TAC1: variants seen among roughly 807,000 people sequenced by gnomAD.
The protein encoded by TAC1 is protachykinin-1.
Under a neutral mutation model 21.7 loss-of-function variants are expected in TAC1, and 12 were observed. The observed-to-expected ratio is 0.55, with a 90% CI of 0.35 to 0.89. The LOEUF (loss-of-function observed/expected upper bound fraction) is 0.89, where lower values mean the gene tolerates loss of function less well. Among genes scored for constraint, TAC1 ranks in the 40% least tolerant of loss-of-function variants. The pLI is 0.01. For missense variants in TAC1, 128 were observed against 151.4 expected, an observed-to-expected ratio of 0.85 and a Z score of 0.81; for synonymous variants, 52 against 52.0, an observed-to-expected ratio of 1.00 and a Z score of 0.00.
intron 5 of TAC1, among the ~76,000 whole-genome samples, chr7:97,735,505 A>G (rs901274349): frequency 4.6e-5 from 7 of 152,170 alleles, no homozygotes; most frequent in African/African-American, 1.4e-4. Context: ...CAAGAAGTGG[A>G]AAGGGTCTAT....
Position 97,739,029 on chromosome 7 carries a change from AT to A in TAC1, c.344-838del, listed in dbSNP as rs1015158843. ...ATATAATATAATATACAATTTTGGC[AT>A]TTTTTTGTCCAGATAATCAATGTAT... On this transcript the variant is annotated intron_variant, in intron 6 of 6. Coordinates refer to ENST00000319273, the MANE Select transcript of TAC1 (RefSeq NM_003182.3). Among the ~76,000 whole-genome samples the A allele has an allele frequency of 2.6e-4, 39 of 150,646 alleles. No homozygotes were observed. In the East Asian group the frequency reaches 4.5e-3, roughly 17 times the overall value.
rs1789454439 is a variant in TAC1, at chr7:97,732,341, C to A, written c.-10+146C>A. 4 of 284,050 alleles carry A rather than the reference C, an allele frequency of 1.4e-5. No homozygotes were observed. The highest frequency in any genetic ancestry group is 4.6e-5 in the Admixed American group (1 of 21,558). The allele number at this position is 284,050 out of a possible 1,614,324, so 17.6% of individuals were successfully genotyped here. On this transcript the variant is annotated intron_variant, in intron 1 of 6. Transcript: ENST00000319273. This position sits in a 1 kb window ranked among gnomAD's most constrained non-coding sequence, Gnocchi z 6.2. ...CGCCAACGCCCCTCTTTGTCTTCCA[C>A]CTGCAGAGTTTCCTGGTTTGAAGGT...
chr7:97,740,156 G>A lies in TAC1; in HGVS notation c.*236G>A, dbSNP rs577055182. 1.9e-5 allele frequency: 6 copies of A among 309,392 alleles called. No individual in the cohort carries two copies. The highest frequency in any genetic ancestry group is 1.1e-4 in the African/African-American group (5 of 46,410). 19.2% of individuals were successfully genotyped at this position (309,392 alleles called of 1,614,324 possible). On this transcript the variant is annotated 3_prime_UTR_variant, in exon 7 of 7. Coordinates refer to ENST00000319273, the MANE Select transcript of TAC1 (RefSeq NM_003182.3). ...AGTGGTTATTTCTCAACAAAGCACA[G>A]TGTTAAATGAAATTGTAAAACCTGT...
intron 5 of TAC1, 39 bp from the exon 6 acceptor site, chr7:97,736,260 G>T: frequency 6.5e-7 from 1 of 1,545,278 alleles, no homozygotes; most frequent in South Asian, 1.1e-5. Flanking sequence ...TTTCCTCAAA[G>T]ATATACATAT....
chr7:97,739,990 C>A lies in TAC1; in HGVS notation c.*70C>A, dbSNP rs1789668151. 3.9e-6 allele frequency: 4 copies of A among 1,029,298 alleles called. No individual in the cohort carries two copies. Among genetic ancestry groups the A allele is most frequent in the South Asian group, 1.6e-5 (1 of 62,346 alleles). The allele number at this position is 1,029,298 out of a possible 1,614,324, so 63.8% of individuals were successfully genotyped here. A position where few individuals can be genotyped will look rare whatever the true frequency, so the allele number is the denominator to read the frequency against. On this transcript the variant is annotated 3_prime_UTR_variant, in exon 7 of 7. Transcript: ENST00000319273. ...GCAATGACAGGTAAATTAAGACATGCACTATGAGGAATAATTATTTATTTA... is the reference window on the plus strand; with the variant it reads ...GCAATGACAGGTAAATTAAGACATGAACTATGAGGAATAATTATTTATTTA...
rs1789669105 is a variant in TAC1 at position 97,740,020 on chromosome 7, C to T, written c.*100C>T. On this transcript the variant is annotated 3_prime_UTR_variant, in exon 7 of 7. Transcript: ENST00000319273. ...TGAGGAATAATTATTTATTTAATAA[C>T]AATTGTTTGGGGTTGAAAATTCAAA... 1.2e-6 allele frequency: 1 copy of T among 862,260 alleles called. No individual in the cohort carries two copies. Among genetic ancestry groups the T allele is most frequent in the Non-Finnish European group, 1.7e-6 (1 of 586,536 alleles). 53.4% of individuals were successfully genotyped at this position (862,260 alleles called of 1,614,324 possible).
At chr7:97,738,926 A>G (rs1789636938) in intron 6 of TAC1, among the ~76,000 whole-genome samples, 1 of 151,532 alleles carries the variant, frequency 6.6e-6, no homozygotes, top group Non-Finnish European at 1.5e-5. Flanking sequence ...AAATATCCCA[A>G]AATACTTTTA....
chr7:97,735,312 A>G (rs1789555254), intron 5 of TAC1, among the ~76,000 whole-genome samples: 1 of 152,212 alleles, frequency 6.6e-6, no homozygotes, highest in East Asian at 1.9e-4. Context: ...AAATGGAATG[A>G]GTGAGTGAAC....
chr7:97,736,244 A>G, intron 5 of TAC1, 55 bp from the exon 6 acceptor site: 1 of 1,436,970 alleles, frequency 7.0e-7, no homozygotes, highest in Non-Finnish European at 9.7e-7. Flanking sequence ...TGGTTATAAT[A>G]GTTTGTTTCC....
chr7:97,736,352 G>C lies in TAC1; in HGVS notation c.343G>C (p.Val115Leu), dbSNP rs777204544. The change falls in exon 6 of 7, where the codon GTG (valine) becomes CTG (leucine). Residue 115 changes from valine (V) to leucine (L), a missense_variant and splice_region_variant. Val to Leu is a conservative substitution (Grantham distance 32). Transcript: ENST00000319273. ...GLMGKRALNSVAYERSAMQNY... is the reference protein window; with the variant it reads ...GLMGKRALNSLAYERSAMQNY... ...AATGGGCAAAAGAGCTTTAAATTCT[G>C]GTATGTATGAAATTATGACTGAAAA... 1 of 1,609,214 alleles carries C rather than the reference G, an allele frequency of 6.2e-7. No homozygotes were observed. Among genetic ancestry groups the C allele is most frequent in the South Asian group, 1.1e-5 (1 of 90,634 alleles).
chr7:97,734,433 TTCTCTCTCTCTCTGTCACTCTCTCTG>T (rs1562784384), intron 4 of TAC1, 141 bp downstream of exon 4: 7 of 692,314 alleles, frequency 1.0e-5, no homozygotes, highest in African/African-American at 3.6e-5. Flanking sequence ...CTCTCTCGGT[TTCTCTCTCTCTCTGTCACTCTCTCTG>T]TCTCTCTCTC....
At chr7:97,734,048 T>C (rs1282117409) in intron 3 of TAC1, 200 bp from the exon 4 acceptor site, 2 of 678,346 alleles carry the variant, frequency 2.9e-6, no homozygotes, top group Non-Finnish European at 5.0e-6. Context: ...AGCGCTCCCT[T>C]GACTAAAGAT....
intron 6 of TAC1, among the ~76,000 whole-genome samples, chr7:97,737,081 G>A (rs549498868): frequency 1.6e-4 from 25 of 151,904 alleles, no homozygotes; most frequent in Admixed American, 9.2e-4. Context: ...TAAATACCAC[G>A]TACATATATC....
Position 97,738,719 on chromosome 7 carries a change from T to G in TAC1, c.344-1155T>G, listed in dbSNP as rs55836994. Among the ~76,000 whole-genome samples the G allele has an allele frequency of 5.1e-4, 78 of 152,030 alleles. 1 individual carries two copies. The highest frequency in any genetic ancestry group is 1.5e-4 in the Non-Finnish European group (10 of 67,892). On this transcript the variant is annotated intron_variant, in intron 6 of 6. Coordinates refer to ENST00000319273, the MANE Select transcript of TAC1 (RefSeq NM_003182.3). ...AAGTGATAATACTGGTGCCTTTACCTGTCTTCTCTGTCAGCAAATCTTCTC... is the reference window on the plus strand; with the variant it reads ...AAGTGATAATACTGGTGCCTTTACCGGTCTTCTCTGTCAGCAAATCTTCTC...
chr7:97,732,678 A>G lies in TAC1; in HGVS notation c.66A>G (p.Ile22Met), dbSNP rs760734076. Residue 22 changes from isoleucine (I) to methionine (M), a missense_variant, in exon 2 of 7, where the codon ATA (isoleucine) becomes ATG (methionine). By Grantham distance (10) the Ile-to-Met change is conservative. Coordinates refer to ENST00000319273, the MANE Select transcript of TAC1 (RefSeq NM_003182.3). The surrounding 1 kb of genome is among the most constrained non-coding windows in gnomAD (Gnocchi z 6.2). ...LVSTQLFAEE[I>M]GANDDLNYWS... The stretch of plus-strand genomic sequence containing the variant: ...CCACTCAGCTGTTTGCAGAAGAAAT[A>G]GGAGCCAATGATGATCTGAATTACT... The G allele has an allele frequency of 6.2e-7, 1 of 1,614,142 alleles. No individual in the cohort carries two copies. The highest frequency in any genetic ancestry group is 1.1e-5 in the South Asian group (1 of 91,078).
intron 6 of TAC1, 33 bp from the exon 7 acceptor site, chr7:97,739,841 T>C: frequency 6.3e-7 from 1 of 1,581,210 alleles, no homozygotes; most frequent in Non-Finnish European, 8.6e-7. Flanking sequence ...GTGAATTCAC[T>C]TAAAAAACAC....
chr7:97,732,806 A>G lies in TAC1; in HGVS notation c.123+71A>G. On this transcript the variant is annotated intron_variant, in intron 2 of 6. Transcript: ENST00000319273. This position sits in a 1 kb window ranked among gnomAD's most constrained non-coding sequence, Gnocchi z 6.2. ...GGGAGCTGTCACCTTCCCACGCAAC[A>G]GCACCCTAGTTAACGTGGCACGCAC... 6.4e-7 allele frequency: 1 copy of G among 1,555,818 alleles called. No individual in the cohort carries two copies. Among genetic ancestry groups the G allele is most frequent in the Non-Finnish European group, 8.7e-7 (1 of 1,150,302 alleles).
At chr7:97,739,782 T>C (rs1789662028) in intron 6 of TAC1, 92 bp from the exon 7 acceptor site, 1 of 828,198 alleles carries the variant, frequency 1.2e-6, no homozygotes, top group Non-Finnish European at 1.9e-6. Flanking sequence ...CATTATGAGT[T>C]TAAAATAAAT....
At chr7:97,734,954 A>G in intron 5 of TAC1, 105 bp downstream of exon 5, 2 of 854,594 alleles carry the variant, frequency 2.3e-6, no homozygotes, top group East Asian at 2.7e-5. Flanking sequence ...CTAGGGCTTA[A>G]TATGTTTAAT....
Sources: gnomAD v4.1 joint callset for allele counts (sites outside exome capture counted in the v4.1 genomes callset) on GRCh38, gnomAD v4.1.1 for gene constraint, Gnocchi (gnomAD v3.1) non-coding constraint, MANE v1.5 for transcripts, NCBI Gene and HGNC (gene_info 2026-07-23, HGNC 2026-07-21) for gene names.